FMN1: variants seen among roughly 807,000 people sequenced by gnomAD.
FMN1 encodes formin-1.
A neutral mutation model predicts 132.4 loss-of-function variants in FMN1; 110 were observed. The observed-to-expected ratio is 0.83, with a 90% CI of 0.71 to 0.97. The LOEUF is 0.97. FMN1 is among the 50% of genes least tolerant of loss of function. The pLI is 0.00. For missense variants in FMN1, 1,792 were observed against 1,705.3 expected (o/e 1.05, Z -0.90); for synonymous variants, 722 against 651.7 (o/e 1.11, Z -1.64).
At chr15:32,875,920 C>T in intron 16 of FMN1, among the ~76,000 whole-genome samples, 1 of 152,212 alleles carries the variant, frequency 6.6e-6, no homozygotes, top group East Asian at 1.9e-4. Flanking sequence ...CTGTGCCTGG[C>T]TGGGTGATCC....
In FMN1 at chr15:33,107,857, A is replaced by G. The variant is rs144311494; in HGVS notation, c.1868-18883T>C. On this transcript the variant is annotated intron_variant, in intron 4 of 20. Coordinates refer to ENST00000616417, the MANE Select transcript of FMN1 (RefSeq NM_001277313.2). ...GTACTATGATGATCCCTCTTTGAAG[A>G]CATTTAAATAAAATGTAAATGCTAG... Among the ~76,000 whole-genome samples, 6 of 152,222 alleles carry G rather than the reference A, an allele frequency of 3.9e-5. No individual in the cohort carries two copies. In the East Asian group the frequency reaches 1.2e-3, roughly 29 times the overall value.
intron 6 of FMN1, among the ~76,000 whole-genome samples, chr15:33,045,198 C>T (rs1433569853): frequency 6.6e-6 from 1 of 152,242 alleles, no homozygotes; most frequent in African/African-American, 2.4e-5. Flanking sequence ...AGTCAGCACC[C>T]ATGCTCGCAC....
rs12594522 is a variant in FMN1 at position 32,775,848 on chromosome 15, A to G, written c.4215+987T>C. Among the ~76,000 whole-genome samples, 2,478 of 152,286 alleles carry G rather than the reference A, an allele frequency of 0.016. 134 individuals carry two copies. The East Asian group carries it at 0.17, about 11-fold the overall frequency. ...TCCAGCAAAAAGGTACTAATAATCT[A>G]AAAGGATAAAGTAAGTAGTTGTTGG... On this transcript the variant is annotated intron_variant, in intron 20 of 20. Coordinates refer to ENST00000616417, the MANE Select transcript of FMN1 (RefSeq NM_001277313.2).
chr15:32,810,915 C>T (rs1360407356), intron 17 of FMN1: 2 of 454,476 alleles, frequency 4.4e-6, no homozygotes, highest in East Asian at 6.9e-5. Flanking sequence ...GTTTTTATTA[C>T]AGCTCTACAA....
intron 4 of FMN1, among the ~76,000 whole-genome samples, chr15:33,128,212 C>T (rs1963301009): frequency 6.6e-6 from 1 of 152,076 alleles, no homozygotes; most frequent in Non-Finnish European, 1.5e-5. Context: ...AAGCAAAAAG[C>T]AGACTTACGA....
intron 9 of FMN1, among the ~76,000 whole-genome samples, chr15:32,932,195 T>TA (rs929258731): frequency 8.5e-5 from 13 of 152,136 alleles, no homozygotes; most frequent in African/African-American, 3.1e-4. Context: ...GGTCAGGAGT[T>TA]AGAGACCAGC....
At position 33,067,635 on chromosome 15, in the gene FMN1, C is replaced by T. The variant is rs767156902; in HGVS notation, c.2044-2561G>A. 2.8e-5 allele frequency: 45 copies of T among 1,613,924 alleles called. No homozygotes were observed. The highest frequency in any genetic ancestry group is 3.6e-5 in the Non-Finnish European group (43 of 1,179,896). On this transcript the variant is annotated intron_variant, in intron 5 of 20. Coordinates refer to ENST00000616417, the MANE Select transcript of FMN1 (RefSeq NM_001277313.2). ...CCGAGGTCAGGTGAAACCCGAGACCCTGCTTCCTGTGGATCCAAGCCATTG... is the reference window on the plus strand; with the variant it reads ...CCGAGGTCAGGTGAAACCCGAGACCTTGCTTCCTGTGGATCCAAGCCATTG...
chr15:32,964,536 C>T (rs2030998730), intron 8 of FMN1, among the ~76,000 whole-genome samples: 1 of 152,150 alleles, frequency 6.6e-6, no homozygotes, highest in Non-Finnish European at 1.5e-5. Context: ...ACTAGAAATC[C>T]TGGGATTCGG....
Position 32,969,180 on chromosome 15 carries a change from G to A in FMN1, c.2521C>T (p.Leu841Phe). The A allele has an allele frequency of 6.2e-7, 1 of 1,613,950 alleles. No homozygotes were observed. Among genetic ancestry groups the A allele is most frequent in the Non-Finnish European group, 8.5e-7 (1 of 1,179,876 alleles). The change falls in exon 8 of 21, where the codon CTC becomes TTC. Residue 841 changes from leucine to phenylalanine, a missense_variant. Physicochemically the swap from Leu to Phe is conservative, Grantham distance 22 (BLOSUM62 0). Coordinates refer to ENST00000616417, the MANE Select transcript of FMN1 (RefSeq NM_001277313.2). ...KKLNISSLSQ[L>F]SPPNDHKDIH... Reference sequence around the variant, plus strand: ...TCTTTGTGGTCATTTGGGGGTGAGAGCTGGCTTAAAGAGGAGATATTCAGC... The same window carrying A: ...TCTTTGTGGTCATTTGGGGGTGAGAACTGGCTTAAAGAGGAGATATTCAGC...
rs73376615 is a variant in FMN1, at chr15:33,042,273, T to C, written c.2161+22684A>G. The stretch of plus-strand genomic sequence containing the variant: ...ATAAAAGAAATCTTGCAGAGGCAAG[T>C]TATGCTCCTGGATGGGAAGACAGCA... On this transcript the variant is annotated intron_variant, in intron 6 of 20. Transcript: ENST00000616417. Among the ~76,000 whole-genome samples the C allele has an allele frequency of 2.0e-5, 3 of 152,296 alleles. No individual in the cohort carries two copies. In the South Asian group the frequency reaches 6.2e-4, roughly 32 times the overall value.
At chr15:33,058,943 TA>T (rs1242396925) in intron 6 of FMN1, among the ~76,000 whole-genome samples, 2 of 152,232 alleles carry the variant, frequency 1.3e-5, no homozygotes, top group African/African-American at 4.8e-5. Context: ...CAGAATACAT[TA>T]TTTTTTACTA....
At chr15:32,915,894 C>T (rs867049387) in intron 10 of FMN1, among the ~76,000 whole-genome samples, 18 of 152,188 alleles carry the variant, frequency 1.2e-4, no homozygotes, top group African/African-American at 3.9e-4. Context: ...AGTAGACACA[C>T]GCTGTGAAAA....
At chr15:32,792,087 G>A (rs1469203191) in intron 19 of FMN1, among the ~76,000 whole-genome samples, 1 of 152,040 alleles carries the variant, frequency 6.6e-6, no homozygotes, top group African/African-American at 2.4e-5. Context: ...GGGAGATGAA[G>A]AAGGGGAGTA....
chr15:33,094,258 A>C (rs1337526121), intron 4 of FMN1, among the ~76,000 whole-genome samples: 1 of 152,194 alleles, frequency 6.6e-6, no homozygotes, highest in Non-Finnish European at 1.5e-5. Flanking sequence ...TATGTCTGAT[A>C]TTGAACTAGG....
intron 4 of FMN1, among the ~76,000 whole-genome samples, chr15:33,118,448 A>C (rs2040011951): frequency 6.6e-6 from 1 of 152,182 alleles, no homozygotes; most frequent in Admixed American, 6.5e-5. Context: ...CAAACAGAGA[A>C]ATAGGAAAGT....
At position 33,153,675 on chromosome 15, in the gene FMN1, C is replaced by T. The variant is rs1053996255; in HGVS notation, c.1240G>A (p.Glu414Lys). ...AGGGGGACCTTGTTCACGGCCCCCT[C>T]GGCACTGGCCGACACACTAGAAATG... ...ASISSVSASA[E>K]GAVNKVPLKV... Residue 414 changes from glutamate to lysine, a missense_variant, in exon 4 of 21, where the codon GAG becomes AAG. Glu to Lys is a moderately conservative substitution (Grantham distance 56). Around this residue, in one of 3 missense-constraint regions of FMN1, gnomAD observed 638 missense variants for 645.2 expected, o/e 0.99. Coordinates refer to ENST00000616417, the MANE Select transcript of FMN1 (RefSeq NM_001277313.2). The T allele has an allele frequency of 6.5e-6, 10 of 1,536,276 alleles. No individual in the cohort carries two copies. Among genetic ancestry groups the T allele is most frequent in the African/African-American group, 1.4e-5 (1 of 73,062 alleles).
intron 15 of FMN1, among the ~76,000 whole-genome samples, chr15:32,896,985 C>T (rs949670005): frequency 2.6e-5 from 4 of 152,198 alleles, no homozygotes; most frequent in Middle Eastern, 3.4e-3. Flanking sequence ...GAAGAAACTC[C>T]CTACTGTTTT....
At chr15:33,047,453 A>G (rs1264200417) in intron 6 of FMN1, among the ~76,000 whole-genome samples, 1 of 152,212 alleles carries the variant, frequency 6.6e-6, no homozygotes, top group Non-Finnish European at 1.5e-5. Flanking sequence ...ACAGTGCTAT[A>G]TTTAAAAGTC....
At chr15:32,798,656 G>T in intron 19 of FMN1, 148 bp downstream of exon 19, 1 of 656,366 alleles carries the variant, frequency 1.5e-6, no homozygotes, top group Non-Finnish European at 2.5e-6. Context: ...ATTTCCCTAC[G>T]ATCCCTGAGG....
Sources: allele counts gnomAD v4.1 joint callset (sites outside exome capture counted in the v4.1 genomes callset), GRCh38; gene constraint gnomAD v4.1.1; regional missense constraint gnomAD v4.1.1; transcripts MANE v1.5; gene names NCBI Gene and HGNC (gene_info 2026-07-23, HGNC 2026-07-21).